HIPK1: variants seen among roughly 807,000 people sequenced by gnomAD.
HIPK1 encodes the protein homeodomain-interacting protein kinase 1.
Under a neutral mutation model 117.1 loss-of-function variants are expected in HIPK1, and 28 were observed. The observed-to-expected ratio is 0.24, with a 90% confidence interval of 0.18 to 0.33. The LOEUF (loss-of-function observed/expected upper bound fraction) is 0.33. Among genes scored for constraint, HIPK1 ranks in the 10% least tolerant of loss-of-function variants. HIPK1 has a pLI of 1.00. For missense variants in HIPK1, 1,122 were observed against 1,475.1 expected (o/e 0.76, Z 3.92); for synonymous variants, 605 against 562.5 (o/e 1.08, Z -1.07).
Position 113,940,927 on chromosome 1 carries a change from A to T in HIPK1, c.544A>T (p.Ile182Phe). 1 of 1,614,110 alleles carries T rather than the reference A, an allele frequency of 6.2e-7. No homozygotes were observed. Among genetic ancestry groups the T allele is most frequent in the Non-Finnish European group, 8.5e-7 (1 of 1,180,026 alleles). ...EGDYQLVQHEILCSMTNSYEV... is the reference protein window; with the variant it reads ...EGDYQLVQHEFLCSMTNSYEV... ...GGATTACCAGCTGGTCCAGCATGAG[A>T]TCCTTTGCTCTATGACCAATAGCTA... Residue 182 changes from isoleucine (I) to phenylalanine (F), a missense_variant, in exon 2 of 16, where the codon ATC becomes TTC. Physicochemically the swap from Ile to Phe is conservative, Grantham distance 21. Coordinates refer to ENST00000426820, the MANE Select transcript of HIPK1 (RefSeq NM_198268.3).
Position 113,963,397 on chromosome 1 carries a change from C to T in HIPK1, c.2114C>T (p.Thr705Ile), listed in dbSNP as rs757189014. Residue 705 changes from threonine (T) to isoleucine (I), a missense_variant, in exon 10 of 16, where the codon ACA (threonine) becomes ATA (isoleucine). Coordinates refer to ENST00000426820, the MANE Select transcript of HIPK1 (RefSeq NM_198268.3). ...TAATCTACGTTTCAGGGAAGCTGTA[C>T]ACCACTAATGGTAGCAACTCTCCAC... ...QSGVLTQGSCTPLMVATLHPQ... is the reference protein window; with the variant it reads ...QSGVLTQGSCIPLMVATLHPQ... 1.2e-6 allele frequency: 2 copies of T among 1,614,088 alleles called. No individual in the cohort carries two copies. Among genetic ancestry groups the T allele is most frequent in the Non-Finnish European group, 1.7e-6 (2 of 1,180,006 alleles).
chr1:113,948,725 T>TAA (rs1027412501), intron 2 of HIPK1, among the ~76,000 whole-genome samples: 2 of 152,064 alleles, frequency 1.3e-5, no homozygotes, highest in Non-Finnish European at 2.9e-5. Context: ...AACTTTCAGC[T>TAA]AATCTTCAGT....
At chr1:113,944,159 G>GTTTTTTTTTTTTTTT (rs140161727) in intron 2 of HIPK1, among the ~76,000 whole-genome samples, 2 of 55,218 alleles carry the variant, frequency 3.6e-5, no homozygotes, top group African/African-American at 1.7e-4. Flanking sequence ...ATAGCCATGG[G>GTTTTTTTTTTTTTTT]TTTTTTTTTT....
chr1:113,936,889 T>G (rs919815270), intron 1 of HIPK1, among the ~76,000 whole-genome samples: 3 of 152,230 alleles, frequency 2.0e-5, no homozygotes, highest in African/African-American at 7.2e-5. Context: ...TTTTGATAGA[T>G]TGTTAAAATT....
chr1:113,971,759 A>G (rs1299257911), intron 14 of HIPK1, 65 bp from the exon 15 acceptor site: 4 of 1,507,716 alleles, frequency 2.7e-6, no homozygotes, highest in South Asian at 1.3e-5. Context: ...ACTAATTAAT[A>G]TGATGCCATC....
At position 113,976,547 on chromosome 1, in the gene HIPK1, G is replaced by A. The variant is rs958349665; in HGVS notation, c.*3035G>A. 1 of 152,770 alleles carries A rather than the reference G, an allele frequency of 6.5e-6. No individual in the cohort carries two copies. The highest frequency in any genetic ancestry group is 1.9e-4 in the East Asian group (1 of 5,336). The allele number at this position is 152,770 out of a possible 1,614,324, so 9.5% of individuals were successfully genotyped here. A position where few individuals can be genotyped will look rare whatever the true frequency, so the allele number is the denominator to read the frequency against. On this transcript the variant is annotated 3_prime_UTR_variant, in exon 16 of 16. Transcript: ENST00000426820. ...TCCACAGAAAAGGATAATACCAAGA[G>A]CTTGTATTGTTACCTTAGTCACTTG...
chr1:113,929,989 C>T (rs1198168022), intron 1 of HIPK1: 2 of 985,196 alleles, frequency 2.0e-6, no homozygotes, highest in Non-Finnish European at 2.4e-6. Context: ...GACTTCCCCT[C>T]AGCTCCCTGA....
At chr1:113,950,935 C>CCAATGATGGTATAAG (rs1671320342) in intron 2 of HIPK1, among the ~76,000 whole-genome samples, 2 of 152,144 alleles carry the variant, frequency 1.3e-5, no homozygotes, top group South Asian at 4.1e-4. Context: ...TTATAAGATA[C>CCAATGATGGTATAAG]ATTATTTTTG....
chr1:113,962,982 T>TA (rs1672223297), intron 9 of HIPK1, among the ~76,000 whole-genome samples: 1 of 152,224 alleles, frequency 6.6e-6, no homozygotes, highest in African/African-American at 2.4e-5. Flanking sequence ...ACTAAGATGA[T>TA]AGAGAAAATT....
intron 11 of HIPK1, among the ~76,000 whole-genome samples, chr1:113,967,449 T>C (rs1327005930): frequency 6.6e-6 from 1 of 152,212 alleles, no homozygotes; most frequent in Non-Finnish European, 1.5e-5. Context: ...CTCATTGCAG[T>C]TTTGATCTGC....
intron 2 of HIPK1, among the ~76,000 whole-genome samples, chr1:113,949,114 A>G (rs566018459): frequency 5.3e-4 from 80 of 152,346 alleles, no homozygotes; most frequent in African/African-American, 1.8e-3. Context: ...CTAGGATTAT[A>G]GGCGTGAGCC....
Position 113,956,660 on chromosome 1 carries a change from A to G in HIPK1, c.1441A>G (p.Met481Val). Residue 481 changes from methionine to valine, a missense_variant, in exon 6 of 16, where the codon ATG becomes GTG. Met to Val is a conservative substitution (Grantham distance 21). Transcript: ENST00000426820. ...GTCTACAGACCTGGAGGGAACAGAC[A>G]TGTTGGCAGAGAAGGCAGACCGAAG... is the stretch of plus-strand genomic sequence containing the variant. ...NMSTDLEGTD[M>V]LAEKADRREY... 4 of 1,614,082 alleles carry G rather than the reference A, an allele frequency of 2.5e-6. No homozygotes were observed. Among genetic ancestry groups the G allele is most frequent in the East Asian group, 2.2e-5 (1 of 44,882 alleles).
At chr1:113,931,146 A>G (rs1347247573) in intron 1 of HIPK1, among the ~76,000 whole-genome samples, 2 of 145,992 alleles carry the variant, frequency 1.4e-5, no homozygotes, top group Non-Finnish European at 3.0e-5. Context: ...GTGTAAAGCT[A>G]TTTTTGATCT....
Position 113,956,694 on chromosome 1 carries a change from T to C in HIPK1, c.1475T>C (p.Ile492Thr), listed in dbSNP as rs897233072. The C allele has an allele frequency of 6.2e-7, 1 of 1,614,002 alleles. No individual in the cohort carries two copies. The highest frequency in any genetic ancestry group is 8.5e-7 in the Non-Finnish European group (1 of 1,179,856). The change falls in exon 6 of 16, where the codon ATT (isoleucine) becomes ACT (threonine). Residue 492 changes from isoleucine to threonine, a missense_variant. Ile to Thr is a moderately conservative substitution (Grantham distance 89). Transcript: ENST00000426820. ...GAGAAGGCAGACCGAAGAGAATACATTGATCTGTTAAAGAAAATGCTCACA... is the reference window on the plus strand; with the variant it reads ...GAGAAGGCAGACCGAAGAGAATACACTGATCTGTTAAAGAAAATGCTCACA... ...LAEKADRREY[I>T]DLLKKMLTID...
intron 10 of HIPK1, among the ~76,000 whole-genome samples, chr1:113,965,238 T>G (rs1672369362): frequency 6.6e-6 from 1 of 152,190 alleles, no homozygotes. Context: ...TGTAGGTAAT[T>G]GTACTGCAGA....
In HIPK1 at chr1:113,966,173, C is replaced by G; in HGVS notation, c.2282C>G (p.Thr761Ser). Residue 761 changes from threonine (T) to serine (S), a missense_variant, in exon 11 of 16, where the codon ACT becomes AGT. Around this residue, in one of 6 missense-constraint regions of HIPK1, gnomAD observed 731 missense variants for 860.4 expected, o/e 0.85. Transcript: ENST00000426820. ...ACTCAGCAAATTCTCCTGCCTTCAA[C>G]TTGGCAACAGTTGCCTGGGGTAGCT... ...GGTQQILLPS[T>S]WQQLPGVALH... The G allele has an allele frequency of 6.2e-7, 1 of 1,613,814 alleles. No homozygotes were observed. Among genetic ancestry groups the G allele is most frequent in the Non-Finnish European group, 8.5e-7 (1 of 1,179,900 alleles).
In HIPK1 at chr1:113,976,181, T is replaced by G. The variant is rs972505561; in HGVS notation, c.*2669T>G. 5 of 152,740 alleles carry G rather than the reference T, an allele frequency of 3.3e-5. No individual in the cohort carries two copies. The highest frequency in any genetic ancestry group is 7.3e-5 in the Non-Finnish European group (5 of 68,028). 9.5% of individuals were successfully genotyped at this position (152,740 alleles called of 1,614,324 possible). On this transcript the variant is annotated 3_prime_UTR_variant, in exon 16 of 16. Transcript: ENST00000426820. The stretch of plus-strand genomic sequence containing the variant: ...TCCGTACAGCCTACCAGGAACATGT[T>G]GTGTTTTCTTTATTTTTTAAAATCA...
At chr1:113,955,701 C>T (rs1671672321) in intron 5 of HIPK1, 52 bp downstream of exon 5, 2 of 966,874 alleles carry the variant, frequency 2.1e-6, no homozygotes, top group Non-Finnish European at 3.3e-6. Context: ...ATCAGAGACA[C>T]TTCTGTTGAT....
In HIPK1 at chr1:113,963,498, G is replaced by T; in HGVS notation, c.2215G>T (p.Val739Phe). 6.2e-7 allele frequency: 1 copy of T among 1,614,168 alleles called. No individual in the cohort carries two copies. The highest frequency in any genetic ancestry group is 8.5e-7 in the Non-Finnish European group (1 of 1,180,002). ...LSCAAGRPALVEQTAAVLQAW... is the reference protein window; with the variant it reads ...LSCAAGRPALFEQTAAVLQAW... Reference sequence around the variant, plus strand: ...CTGCGCAGCCGGCCGGCCGGCGCTGGTTGAACAGACTGCCGCTGTACTGGT... The same window carrying T: ...CTGCGCAGCCGGCCGGCCGGCGCTGTTTGAACAGACTGCCGCTGTACTGGT... Residue 739 changes from valine to phenylalanine, a missense_variant, in exon 10 of 16, where the codon GTT becomes TTT. Physicochemically the swap from Val to Phe is conservative, Grantham distance 50 (BLOSUM62 -1). This residue lies in a region of HIPK1 where 731 missense variants were observed against 860.4 expected (regional missense o/e 0.85). Transcript: ENST00000426820.
Sources: allele counts gnomAD v4.1 joint callset (sites outside exome capture counted in the v4.1 genomes callset), GRCh38; gene constraint gnomAD v4.1.1; regional missense constraint gnomAD v4.1.1; transcripts MANE v1.5; gene names NCBI Gene and HGNC (gene_info 2026-07-23, HGNC 2026-07-21).